GSE1: variants seen among roughly 807,000 people sequenced by gnomAD.
GSE1 encodes genetic suppressor element 1.
In GSE1, 32 loss-of-function variants were observed where a neutral mutation model predicts 112.6. The observed-to-expected ratio is 0.28, with a 90% CI of 0.21 to 0.38. The LOEUF (loss-of-function observed/expected upper bound fraction) is 0.38, where lower values mean the gene tolerates loss of function less well. Ranked by LOEUF, GSE1 falls within the 10% of genes least tolerant of loss-of-function variation. The probability of loss-of-function intolerance (pLI) is 1.00; values close to 1 mark genes in which losing one functional copy is unlikely to be tolerated. For missense variants in GSE1, 2,348 were observed against 1,699.2 expected (o/e 1.38, Z -6.71); for synonymous variants, 1,115 against 735.6 (o/e 1.52, Z -8.35).
At chr16:85,420,653 C>T (rs572354548) in intron 2 of GSE1, among the ~76,000 whole-genome samples, 9 of 152,290 alleles carry the variant, frequency 5.9e-5, no homozygotes, top group East Asian at 3.9e-4. Context: ...CTCGGCCCAC[C>T]GGGCATGCTG....
intron 1 of GSE1, among the ~76,000 whole-genome samples, chr16:85,336,848 A>G (rs950115365): frequency 2.0e-5 from 3 of 152,208 alleles, no homozygotes; most frequent in Non-Finnish European, 4.4e-5. Flanking sequence ...GCCAAAATAC[A>G]TGCATGAACA....
intron 1 of GSE1, chr16:85,592,375 C>G (rs2151438703): frequency 6.6e-6 from 1 of 152,280 alleles, no homozygotes; most frequent in African/African-American, 2.4e-5. Flanking sequence ...GTCTCAAACT[C>G]CTGACCTCAA....
At chr16:85,421,546 A>G (rs984939022) in intron 2 of GSE1, among the ~76,000 whole-genome samples, 1 of 152,226 alleles carries the variant, frequency 6.6e-6, no homozygotes, top group African/African-American at 2.4e-5. Flanking sequence ...TTAATTCAAC[A>G]AACAGCTGCA....
intron 2 of GSE1, among the ~76,000 whole-genome samples, chr16:85,464,581 G>C (rs900751): frequency 0.99 from 150,339 of 152,294 alleles, 74,234 homozygotes; most frequent in Middle Eastern, 1. Context: ...TGTTTCCCCC[G>C]AGGGGTGATG....
intron 1 of GSE1, among the ~76,000 whole-genome samples, chr16:85,600,562 A>AAACACAC (rs2047416944): frequency 6.7e-6 from 1 of 148,550 alleles, no homozygotes; most frequent in African/African-American, 2.5e-5. Flanking sequence ...CTTGTTAAAA[A>AAACACAC]ACACACACAC....
chr16:85,374,989 C>T (rs1253709976), intron 2 of GSE1, among the ~76,000 whole-genome samples: 2 of 152,194 alleles, frequency 1.3e-5, no homozygotes, highest in Non-Finnish European at 2.9e-5. Flanking sequence ...AACAGGGCTG[C>T]GGCCCCAGCG....
intron 1 of GSE1, among the ~76,000 whole-genome samples, chr16:85,223,073 C>T (rs1256549331): frequency 3.3e-5 from 5 of 152,234 alleles, no homozygotes; most frequent in East Asian, 3.9e-4. Context: ...TTCTCAGGTA[C>T]GGGGCCGGCG....
chr16:85,373,185 G>C lies in GSE1; in HGVS notation c.2464+15542G>C, dbSNP rs2047338887. Among the ~76,000 whole-genome samples, 1 of 152,232 alleles carries C rather than the reference G, an allele frequency of 6.6e-6. No individual in the cohort carries two copies. Among genetic ancestry groups the C allele is most frequent in the Non-Finnish European group, 1.5e-5 (1 of 68,036 alleles). Reference sequence around the variant, plus strand: ...TGGGATGCCGGCTCCTTGTCCACCAGGGTGGGTGCCAGGCGCCTGGTAGCA... The same window carrying C: ...TGGGATGCCGGCTCCTTGTCCACCACGGTGGGTGCCAGGCGCCTGGTAGCA... On this transcript the variant is annotated intron_variant, in intron 2 of 2. Coordinates refer to the GSE1 transcript ENST00000637419. This position sits in a 1 kb window ranked among gnomAD's most constrained non-coding sequence, Gnocchi z 5.1.
chr16:85,676,167 G>A lies in GSE1; in HGVS notation c.*3628G>A, dbSNP rs1567788262. Reference sequence around the variant, plus strand: ...TTATGAATATATTGCTGTAATTTCTGACAACATCCAAAAAATAAAATCTTC... The same window carrying A: ...TTATGAATATATTGCTGTAATTTCTAACAACATCCAAAAAATAAAATCTTC... On this transcript the variant is annotated 3_prime_UTR_variant, in exon 16 of 16. Transcript: ENST00000253458. 6.6e-6 allele frequency: 1 copy of A among 152,576 alleles called. No homozygotes were observed. The highest frequency in any genetic ancestry group is 2.1e-4 in the South Asian group (1 of 4,826). 9.5% of individuals were successfully genotyped at this position (152,576 alleles called of 1,614,324 possible). A position where few individuals can be genotyped will look rare whatever the true frequency, so the allele number is the denominator to read the frequency against.
chr16:85,641,563 T>C (rs956587835), intron 2 of GSE1, among the ~76,000 whole-genome samples: 3 of 151,848 alleles, frequency 2.0e-5, no homozygotes, highest in Non-Finnish European at 4.4e-5. Context: ...ACGCAGGGGG[T>C]CGCGGCGTGA....
intron 2 of GSE1, among the ~76,000 whole-genome samples, chr16:85,515,947 C>T (rs577897173): frequency 5.9e-5 from 9 of 152,272 alleles, no homozygotes; most frequent in Non-Finnish European, 7.4e-5. Context: ...GTCACAGCAC[C>T]GCACACGTTG....
At chr16:85,381,544 G>A (rs1567723704) in intron 2 of GSE1, among the ~76,000 whole-genome samples, 1 of 152,156 alleles carries the variant, frequency 6.6e-6, no homozygotes, top group Non-Finnish European at 1.5e-5. Context: ...GCTCTTGTTG[G>A]GTGCCAATTT....
chr16:85,331,663 G>A (rs187109458), intron 1 of GSE1, among the ~76,000 whole-genome samples: 3,255 of 18,512 alleles, frequency 0.18, 234 homozygotes, highest in African/African-American at 0.32. Flanking sequence ...ATGTGTATAT[G>A]TGTGTGTGTG....
At chr16:85,663,748 G>C (rs546812855) in intron 11 of GSE1, 134 bp downstream of exon 11, 2 of 873,700 alleles carry the variant, frequency 2.3e-6, no homozygotes, top group South Asian at 1.7e-5. Flanking sequence ...TACTCCTCCC[G>C]GCTCCCGGGA....
intron 1 of GSE1, among the ~76,000 whole-genome samples, chr16:85,203,685 T>C (rs559772326): frequency 6.6e-6 from 1 of 152,354 alleles, no homozygotes; most frequent in African/African-American, 2.4e-5. Flanking sequence ...ACAATTCACC[T>C]GTCTCAAGTG....
intron 2 of GSE1, among the ~76,000 whole-genome samples, chr16:85,549,990 A>G (rs549584573): frequency 2.0e-5 from 3 of 152,192 alleles, no homozygotes; most frequent in Non-Finnish European, 4.4e-5. Flanking sequence ...GGGAGCTGCT[A>G]TTAGCATTAT....
At chr16:85,384,949 C>G (rs2047653858) in intron 2 of GSE1, among the ~76,000 whole-genome samples, 1 of 152,258 alleles carries the variant, frequency 6.6e-6, no homozygotes, top group African/African-American at 2.4e-5. Context: ...TGCCGCAGAC[C>G]CAGCAGGTTA....
chr16:85,508,280 C>T (rs753273678), intron 2 of GSE1, among the ~76,000 whole-genome samples: 4 of 152,154 alleles, frequency 2.6e-5, no homozygotes, highest in Non-Finnish European at 4.4e-5. Context: ...GTGATCCACC[C>T]GCTTCGGCCT....
At chr16:85,549,810 T>C (rs895888118) in intron 2 of GSE1, among the ~76,000 whole-genome samples, 4 of 152,146 alleles carry the variant, frequency 2.6e-5, no homozygotes, top group African/African-American at 9.7e-5. Context: ...CCCTTGCCCT[T>C]GCTGAGCGAC....
Sources: gnomAD v4.1 joint callset for allele counts (sites outside exome capture counted in the v4.1 genomes callset) on GRCh38, gnomAD v4.1.1 for gene constraint, Gnocchi (gnomAD v3.1) non-coding constraint, MANE v1.5 for transcripts, NCBI Gene and HGNC (gene_info 2026-07-23, HGNC 2026-07-21) for gene names.